OGFRL1: variants seen among roughly 807,000 people sequenced by gnomAD.
OGFRL1 encodes opioid growth factor receptor-like protein 1.
Under a neutral mutation model 32.4 loss-of-function variants are expected in OGFRL1, and 26 were observed. That is an observed-to-expected ratio of 0.80 (90% confidence interval 0.59 to 1.11). The LOEUF (loss-of-function observed/expected upper bound fraction) is 1.11, where lower values mean the gene tolerates loss of function less well. Among genes scored for constraint, OGFRL1 ranks in the 50% most tolerant of loss-of-function variants. The pLI, the probability that OGFRL1 is intolerant of heterozygous loss-of-function variation, is 0.00. For missense variants in OGFRL1, 521 were observed against 546.4 expected (o/e 0.95, Z 0.46); for synonymous variants, 211 against 201.2 (o/e 1.05, Z -0.41).
In OGFRL1 at chr6:71,305,787, A is replaced by G. The variant is rs1766532375; in HGVS notation, c.*3738A>G. The G allele has an allele frequency of 6.6e-6, 1 of 152,136 alleles. No homozygotes were observed. The highest frequency in any genetic ancestry group is 2.1e-4 in the South Asian group (1 of 4,832). The allele number at this position is 152,136 out of a possible 1,614,324, so 9.4% of individuals were successfully genotyped here. On this transcript the variant is annotated 3_prime_UTR_variant, in exon 7 of 7. Transcript: ENST00000370435. ...TTACATCTGAGTTAGTCTTTGAAAA[A>G]TCATAGTAGTAAATGAACCTCAACA...
rs1281494234 is a variant in OGFRL1 at position 71,305,494 on chromosome 6, T to C, written c.*3445T>C. On this transcript the variant is annotated 3_prime_UTR_variant, in exon 7 of 7. Coordinates refer to ENST00000370435, the MANE Select transcript of OGFRL1 (RefSeq NM_024576.5). ...AGCCTAGTTGTCAACTCAAAAATTATGTTGCATAGTTTTATTTTGAATTTA... is the reference window on the plus strand; with the variant it reads ...AGCCTAGTTGTCAACTCAAAAATTACGTTGCATAGTTTTATTTTGAATTTA... 6.6e-6 allele frequency: 1 copy of C among 152,132 alleles called. No homozygotes were observed. The allele number at this position is 152,132 out of a possible 1,614,324, so 9.4% of individuals were successfully genotyped here.
At chr6:71,293,989 T>C (rs546774194) in intron 3 of OGFRL1, among the ~76,000 whole-genome samples, 1 of 152,198 alleles carries the variant, frequency 6.6e-6, no homozygotes, top group Admixed American at 6.5e-5. Context: ...CATTGTGCCA[T>C]AGCTGAAAAC....
chr6:71,296,007 G>A lies in OGFRL1; in HGVS notation c.401-310G>A, dbSNP rs1175115470. On this transcript the variant is annotated intron_variant, in intron 3 of 6. Coordinates refer to ENST00000370435, the MANE Select transcript of OGFRL1 (RefSeq NM_024576.5). Reference sequence around the variant, plus strand: ...TGCCATAGACAGTACATAAATGAATGTGCATAGCTATATTCCAATAAAACT... The same window carrying A: ...TGCCATAGACAGTACATAAATGAATATGCATAGCTATATTCCAATAAAACT... Among the ~76,000 whole-genome samples, 3 of 152,088 alleles carry A rather than the reference G, an allele frequency of 2.0e-5. No homozygotes were observed. The East Asian group carries it at 5.8e-4, about 29-fold the overall frequency.
Position 71,307,598 on chromosome 6 carries a change from AGTG to A in OGFRL1, c.*5552_*5554del, listed in dbSNP as rs1433165493. 2 of 152,186 alleles carry A rather than the reference AGTG, an allele frequency of 1.3e-5. No individual in the cohort carries two copies. The highest frequency in any genetic ancestry group is 4.8e-5 in the African/African-American group (2 of 41,468). 9.4% of individuals were successfully genotyped at this position (152,186 alleles called of 1,614,324 possible). A position where few individuals can be genotyped will look rare whatever the true frequency, so the allele number is the denominator to read the frequency against. ...TAAAATGATTCAGAGAAAAGGCAGT[AGTG>A]GTCACTTACTGTGCTAAAATACCTT... On this transcript the variant is annotated 3_prime_UTR_variant, in exon 7 of 7. Transcript: ENST00000370435.
In OGFRL1 at chr6:71,296,501, C is replaced by T; in HGVS notation, c.486C>T (p.Phe162=). The change falls in exon 5 of 7, where the codon TTC becomes TTT. Residue 162 remains phenylalanine (F), a synonymous_variant. Coordinates refer to ENST00000370435, the MANE Select transcript of OGFRL1 (RefSeq NM_024576.5). The stretch of plus-strand genomic sequence containing the variant: ...ATTTTTTTAAAATAAATAGGCTTTT[C>T]CCCCTGAGAGAACAAGGCTTGAACT... ...EHNHTYIQWL[F]PLREQGLNFY... is the part of the protein sequence containing the mutation. 1.2e-6 allele frequency: 2 copies of T among 1,608,396 alleles called. No homozygotes were observed. Among genetic ancestry groups the T allele is most frequent in the Non-Finnish European group, 1.7e-6 (2 of 1,177,480 alleles).
intron 6 of OGFRL1, among the ~76,000 whole-genome samples, chr6:71,299,134 T>C (rs1336439610): frequency 6.6e-6 from 1 of 152,170 alleles, no homozygotes; most frequent in East Asian, 1.9e-4. Context: ...GGGAGCCTTT[T>C]AACTTTTATT....
At chr6:71,297,260 C>A (rs1362448328) in intron 6 of OGFRL1, among the ~76,000 whole-genome samples, 2 of 151,592 alleles carry the variant, frequency 1.3e-5, no homozygotes, top group Non-Finnish European at 1.5e-5. Context: ...GTATAAAAAT[C>A]ATTTTATAAG....
At position 71,305,064 on chromosome 6, in the gene OGFRL1, A is replaced by G. The variant is rs1470628198; in HGVS notation, c.*3015A>G. The G allele has an allele frequency of 6.6e-6, 1 of 152,056 alleles. No homozygotes were observed. Among genetic ancestry groups the G allele is most frequent in the Non-Finnish European group, 1.5e-5 (1 of 67,914 alleles). The allele number at this position is 152,056 out of a possible 1,614,324, so 9.4% of individuals were successfully genotyped here. On this transcript the variant is annotated 3_prime_UTR_variant, in exon 7 of 7. Transcript: ENST00000370435. ...ACGATATGCTTGCAGAAATTCATTG[A>G]GAAGCTGTTATAAAAAATGCAGTGA...
At chr6:71,299,950 A>G (rs1361946412) in intron 6 of OGFRL1, among the ~76,000 whole-genome samples, 2 of 152,230 alleles carry the variant, frequency 1.3e-5, no homozygotes, top group Admixed American at 1.3e-4. Flanking sequence ...TTTGGTTAGT[A>G]TGAATCATTA....
rs1275563157 is a variant in OGFRL1 at position 71,289,548 on chromosome 6, T to C, written c.234+378T>C. The C allele has an allele frequency of 1.3e-5, 6 of 444,954 alleles. No individual in the cohort carries two copies. The Admixed American group carries it at 1.2e-3, about 87-fold the overall frequency. 27.6% of individuals were successfully genotyped at this position (444,954 alleles called of 1,614,324 possible). A position where few individuals can be genotyped will look rare whatever the true frequency, so the allele number is the denominator to read the frequency against. ...CAACCCCTCTAGTGTGTGTTATTGG[T>C]AAAAAAAAAAAAAAAAAAAAAAAAA... On this transcript the variant is annotated intron_variant, in intron 1 of 6. Transcript: ENST00000370435.
chr6:71,289,890 C>T (rs954922064), intron 1 of OGFRL1: 1 of 897,962 alleles, frequency 1.1e-6, no homozygotes, highest in Non-Finnish European at 1.3e-6. Flanking sequence ...AATATGTAGC[C>T]GACCCCCTGA....
In OGFRL1 at chr6:71,296,566, T is replaced by C. The variant is rs1043109652; in HGVS notation, c.546+5T>C. 1.9e-6 allele frequency: 3 copies of C among 1,611,260 alleles called. No homozygotes were observed. Among genetic ancestry groups the C allele is most frequent in the South Asian group, 1.1e-5 (1 of 90,276 alleles). Reference sequence around the variant, plus strand: ...CTAACTACATATGAAATTGAGGTAATGCAAGCTCATTTCATTTTATACAGG... The same window carrying C: ...CTAACTACATATGAAATTGAGGTAACGCAAGCTCATTTCATTTTATACAGG... On this transcript the variant is annotated splice_donor_5th_base_variant and intron_variant, in intron 5 of 6. Coordinates refer to ENST00000370435, the MANE Select transcript of OGFRL1 (RefSeq NM_024576.5).
rs1766633708 is a variant in OGFRL1, at chr6:71,308,858, A to G, written c.*6809A>G. 6.6e-6 allele frequency: 1 copy of G among 152,164 alleles called. No homozygotes were observed. The highest frequency in any genetic ancestry group is 1.5e-5 in the Non-Finnish European group (1 of 68,016). The allele number at this position is 152,164 out of a possible 1,614,324, so 9.4% of individuals were successfully genotyped here. ...ATATACATCCTGTAAAACTAATAAA[A>G]GCCACTCCATCTTAGATAACATTTT... On this transcript the variant is annotated 3_prime_UTR_variant, in exon 7 of 7. Transcript: ENST00000370435.
At chr6:71,289,913 C>G in intron 1 of OGFRL1, 1 of 745,180 alleles carries the variant, frequency 1.3e-6, no homozygotes, top group Non-Finnish European at 1.6e-6. Flanking sequence ...AAGTGTGCAT[C>G]CTGGAGGTGG....
In OGFRL1 at chr6:71,302,424, C is replaced by T. The variant is rs1331669689; in HGVS notation, c.*375C>T. The T allele has an allele frequency of 6.4e-6, 1 of 155,954 alleles. No individual in the cohort carries two copies. The highest frequency in any genetic ancestry group is 1.4e-5 in the Non-Finnish European group (1 of 70,736). 9.7% of individuals were successfully genotyped at this position (155,954 alleles called of 1,614,324 possible). A position where few individuals can be genotyped will look rare whatever the true frequency, so the allele number is the denominator to read the frequency against. On this transcript the variant is annotated 3_prime_UTR_variant, in exon 7 of 7. Transcript: ENST00000370435. The stretch of plus-strand genomic sequence containing the variant: ...ATGAAGGAAATCAAGAGGATAATTT[C>T]ATTGGATTGCTACACTTTTACCTGA...
In OGFRL1 at chr6:71,303,747, C is replaced by G. The variant is rs1223889196; in HGVS notation, c.*1698C>G. The G allele has an allele frequency of 6.6e-6, 1 of 152,100 alleles. No homozygotes were observed. Among genetic ancestry groups the G allele is most frequent in the Non-Finnish European group, 1.5e-5 (1 of 67,998 alleles). The allele number at this position is 152,100 out of a possible 1,614,324, so 9.4% of individuals were successfully genotyped here. On this transcript the variant is annotated 3_prime_UTR_variant, in exon 7 of 7. Coordinates refer to ENST00000370435, the MANE Select transcript of OGFRL1 (RefSeq NM_024576.5). ...GAACAAATTTAAAAGTCCATATATG[C>G]AACTCTAGTAAGCACTTAATAGGTT...
chr6:71,300,897 C>T (rs776039541), intron 6 of OGFRL1, among the ~76,000 whole-genome samples: 30 of 152,268 alleles, frequency 2.0e-4, no homozygotes, highest in Non-Finnish European at 3.4e-4. Flanking sequence ...TTTTTGCCGC[C>T]ATCCTTATGA....
chr6:71,289,940 C>A, intron 1 of OGFRL1: 1 of 390,172 alleles, frequency 2.6e-6, no homozygotes, highest in Non-Finnish European at 3.5e-6. Context: ...TTTGCCGCTC[C>A]ACATTAGGCC....
chr6:71,299,857 C>A (rs1411972330), intron 6 of OGFRL1, among the ~76,000 whole-genome samples: 1 of 152,168 alleles, frequency 6.6e-6, no homozygotes, highest in African/African-American at 2.4e-5. Flanking sequence ...CTGGGCTTCA[C>A]AGTTGAATGT....
Sources: allele counts gnomAD v4.1 joint callset (sites outside exome capture counted in the v4.1 genomes callset), GRCh38; gene constraint gnomAD v4.1.1; transcripts MANE v1.5; gene names NCBI Gene and HGNC (gene_info 2026-07-23, HGNC 2026-07-21).